Variants in CLASP2 observed in about 807,000 individuals in gnomAD.
CLASP2 encodes CLIP-associating protein 2.
CLASP2 carries 47 observed loss-of-function variants against 194.4 expected under a neutral mutation model. The observed-to-expected ratio is 0.24, with a 90% CI of 0.19 to 0.31. The LOEUF (loss-of-function observed/expected upper bound fraction) is 0.31, where lower values mean the gene tolerates loss of function less well. CLASP2 is among the 10% of genes least tolerant of loss of function. The pLI, the probability that CLASP2 is intolerant of heterozygous loss-of-function variation, is 1.00. For synonymous variants in CLASP2, 619 were observed against 633.5 expected (o/e 0.98, Z 0.34); for missense variants, 1,445 against 1,823.6 (o/e 0.79, Z 3.78).
intron 25 of CLASP2, among the ~76,000 whole-genome samples, chr3:33,572,785 A>G (rs2064043245): frequency 6.6e-6 from 1 of 152,094 alleles, no homozygotes; most frequent in South Asian, 2.1e-4. Flanking sequence ...AATTTTAATA[A>G]ACCAGTCAGT....
rs932791530 is a variant in CLASP2 at position 33,688,257 on chromosome 3, T to G, written c.470+20A>C. The G allele has an allele frequency of 3.3e-6, 5 of 1,509,326 alleles. No individual in the cohort carries two copies. Among genetic ancestry groups the G allele is most frequent in the Non-Finnish European group, 4.4e-6 (5 of 1,125,560 alleles). The allele number at this position is 1,509,326 out of a possible 1,614,324, so 93.5% of individuals were successfully genotyped here. ...GAAATAAAAAACAAGACAGTTATTT[T>G]CAGTAATCATAAAACTTACATGTTT... is the stretch of plus-strand genomic sequence containing the variant. On this transcript the variant is annotated intron_variant, in intron 4 of 38. Transcript: ENST00000682230.
intron 2 of CLASP2, among the ~76,000 whole-genome samples, chr3:33,690,731 G>C (rs2091254246): frequency 6.6e-6 from 1 of 152,108 alleles, no homozygotes; most frequent in Non-Finnish European, 1.5e-5. Flanking sequence ...TGAATTCTTG[G>C]ACTGTCCCGC....
intron 35 of CLASP2, 120 bp from the exon 36 acceptor site, chr3:33,516,271 G>T: frequency 1.8e-5 from 14 of 764,708 alleles, no homozygotes; most frequent in Non-Finnish European, 2.8e-5. Context: ...ACTGCATAAA[G>T]TATGCGGTAT....
chr3:33,652,400 T>C (rs1447751139), intron 7 of CLASP2, among the ~76,000 whole-genome samples: 1 of 152,164 alleles, frequency 6.6e-6, no homozygotes, highest in Non-Finnish European at 1.5e-5. Context: ...CACAGATACC[T>C]TGGAAAACTC....
At chr3:33,624,248 A>C (rs2077601484) in intron 10 of CLASP2, among the ~76,000 whole-genome samples, 1 of 152,126 alleles carries the variant, frequency 6.6e-6, no homozygotes, top group Non-Finnish European at 1.5e-5. Flanking sequence ...TATGTCTTTA[A>C]AGTTAAATCA....
At chr3:33,525,684 G>A (rs922945551) in intron 34 of CLASP2, among the ~76,000 whole-genome samples, 2 of 152,206 alleles carry the variant, frequency 1.3e-5, no homozygotes, top group Non-Finnish European at 1.5e-5. Flanking sequence ...GAGCCACTCA[G>A]GCATGCATGG....
intron 1 of CLASP2, among the ~76,000 whole-genome samples, chr3:33,716,265 A>C (rs1207712819): frequency 6.6e-6 from 1 of 152,192 alleles, no homozygotes. Flanking sequence ...ATACGTAGTG[A>C]AAACAGAAAA....
At chr3:33,673,092 C>T (rs191081972) in intron 6 of CLASP2, among the ~76,000 whole-genome samples, 54 of 152,184 alleles carry the variant, frequency 3.5e-4, no homozygotes, top group African/African-American at 1.1e-3. Flanking sequence ...ATACAGAGAA[C>T]GCTACAAAGA....
rs76809762 is a variant in CLASP2 at position 33,675,785 on chromosome 3, T to C, written c.644+8574A>G. Among the ~76,000 whole-genome samples the C allele has an allele frequency of 3.6e-5, 5 of 140,800 alleles. 1 individual carries two copies. Among genetic ancestry groups the C allele is most frequent in the African/African-American group, 1.0e-4 (4 of 39,112 alleles). 92.4% of individuals were successfully genotyped at this position (140,800 alleles called of 152,430 possible). On this transcript the variant is annotated intron_variant, in intron 6 of 38. Transcript: ENST00000682230. ...TACAAAAATCACAAGCATTCTTATA[T>C]ACCAATAACAGACAAACAGCCAAAT...
intron 8 of CLASP2, among the ~76,000 whole-genome samples, chr3:33,642,064 C>A (rs1409204400): frequency 6.6e-6 from 1 of 151,898 alleles, no homozygotes; most frequent in Non-Finnish European, 1.5e-5. Context: ...CCTGCATATG[C>A]TACAAGGAGG....
chr3:33,665,833 G>C (rs1376527895), intron 6 of CLASP2, among the ~76,000 whole-genome samples: 3 of 152,030 alleles, frequency 2.0e-5, no homozygotes, highest in African/African-American at 4.8e-5. Flanking sequence ...ATAATTTGGT[G>C]AAAAAAGGAA....
intron 13 of CLASP2, among the ~76,000 whole-genome samples, chr3:33,609,770 T>C (rs1204735431): frequency 6.6e-6 from 1 of 152,262 alleles, no homozygotes; most frequent in Non-Finnish European, 1.5e-5. Flanking sequence ...AAGTTCCAAC[T>C]GGTTTATGGA....
intron 8 of CLASP2, among the ~76,000 whole-genome samples, chr3:33,641,218 T>C (rs756449699): frequency 1.3e-5 from 2 of 151,962 alleles, no homozygotes; most frequent in African/African-American, 2.4e-5. Context: ...GTATTAAAAA[T>C]TGTTACCTAA....
chr3:33,570,844 TA>T, intron 25 of CLASP2, 54 bp from the exon 26 acceptor site: 2 of 1,394,958 alleles, frequency 1.4e-6, no homozygotes, highest in Non-Finnish European at 9.7e-7. Flanking sequence ...AGAAGTCATG[TA>T]AAAGTAACTT....
chr3:33,621,802 T>C (rs1264023106), intron 11 of CLASP2, among the ~76,000 whole-genome samples: 2 of 152,128 alleles, frequency 1.3e-5, no homozygotes, highest in Non-Finnish European at 2.9e-5. Context: ...AAATTGAGTG[T>C]TTAATACCCA....
At chr3:33,673,913 C>A (rs535469373) in intron 6 of CLASP2, among the ~76,000 whole-genome samples, 4 of 152,096 alleles carry the variant, frequency 2.6e-5, no homozygotes, top group Non-Finnish European at 5.9e-5. Flanking sequence ...TATATATGCA[C>A]CCAATACAGG....
At chr3:33,573,424 C>T (rs1287641980) in intron 24 of CLASP2, 70 bp from the exon 25 acceptor site, 1 of 1,469,964 alleles carries the variant, frequency 6.8e-7, no homozygotes, top group Admixed American at 1.8e-5. Context: ...TTTCTACTGA[C>T]CACAAAAGGA....
In CLASP2 at chr3:33,603,031, T is replaced by C. The variant is rs370919599; in HGVS notation, c.1845A>G (p.Ala615=). Residue 615 remains alanine, a synonymous_variant, in exon 18 of 39, where the codon GCA becomes GCG. Transcript: ENST00000682230. ...GCACAGACTGTCCAGCAGCATGATG[T>C]GCCTTGGCACCTGCAGCAGCATTCA... ...IDVNAAAGAK[A]HHAAGQSVRS... is the part of the protein sequence containing the mutation. 6.2e-6 allele frequency: 10 copies of C among 1,607,118 alleles called. No homozygotes were observed. The highest frequency in any genetic ancestry group is 8.5e-6 in the Non-Finnish European group (10 of 1,176,642).
intron 7 of CLASP2, chr3:33,658,912 G>A: frequency 7.2e-7 from 1 of 1,396,488 alleles, no homozygotes; most frequent in Non-Finnish European, 9.8e-7. Flanking sequence ...CACAGCAAAT[G>A]ATCGTCACCT....
Sources: gnomAD v4.1 joint callset for allele counts (sites outside exome capture counted in the v4.1 genomes callset) on GRCh38, gnomAD v4.1.1 for gene constraint, MANE v1.5 for transcripts, NCBI Gene and HGNC (gene_info 2026-07-23, HGNC 2026-07-21) for gene names.